Variants in SOX5 observed in about 807,000 individuals in gnomAD.
SOX5 encodes the protein transcription factor SOX-5.
Under a neutral mutation model 92.0 loss-of-function variants are expected in SOX5, and 9 were observed. That is an observed-to-expected ratio of 0.10 (90% CI 0.06 to 0.17). SOX5 has a LOEUF of 0.17. Among genes scored for constraint, SOX5 ranks in the 10% least tolerant of loss-of-function variants. SOX5 has a pLI of 1.00. For synonymous variants in SOX5, 344 were observed against 336.3 expected, an observed-to-expected ratio of 1.02 and a Z score of -0.25; for missense variants, 642 against 944.5, an observed-to-expected ratio of 0.68 and a Z score of 4.20.
chr12:24,271,142 G>A (rs981299850), intron 3 of SOX5, among the ~76,000 whole-genome samples: 1 of 152,176 alleles, frequency 6.6e-6, no homozygotes, highest in African/African-American at 2.4e-5. Flanking sequence ...AGCCCTTGAT[G>A]AGTGTTGCTA....
chr12:23,877,358 C>G (rs2096938723), intron 2 of SOX5, among the ~76,000 whole-genome samples: 1 of 151,842 alleles, frequency 6.6e-6, no homozygotes, highest in Non-Finnish European at 1.5e-5. Context: ...TTGAAAATAC[C>G]TGCATAGTTA....
At chr12:24,110,843 G>A (rs1018365275) in intron 4 of SOX5, among the ~76,000 whole-genome samples, 1 of 141,300 alleles carries the variant, frequency 7.1e-6, no homozygotes, top group Admixed American at 7.4e-5. Context: ...GGAGCTTGCA[G>A]TGAGTTGAGA....
At chr12:24,197,554 A>G (rs1461167961) in intron 4 of SOX5, among the ~76,000 whole-genome samples, 1 of 152,110 alleles carries the variant, frequency 6.6e-6, no homozygotes, top group Non-Finnish European at 1.5e-5. Context: ...TACAGCAATG[A>G]GATGTAAATG....
intron 3 of SOX5, among the ~76,000 whole-genome samples, chr12:24,246,461 A>C (rs1270196603): frequency 6.6e-6 from 1 of 152,122 alleles, no homozygotes; most frequent in Non-Finnish European, 1.5e-5. Context: ...AAACTGTAAG[A>C]GACTAAGAGC....
intron 1 of SOX5, among the ~76,000 whole-genome samples, chr12:24,452,484 G>A (rs1855791896): frequency 1.3e-5 from 2 of 152,150 alleles, no homozygotes; most frequent in Non-Finnish European, 2.9e-5. Flanking sequence ...CTTACCTGGA[G>A]AGGCTAGACT....
At chr12:24,195,849 T>C (rs1278754290) in intron 4 of SOX5, among the ~76,000 whole-genome samples, 1 of 152,166 alleles carries the variant, frequency 6.6e-6, no homozygotes, top group Non-Finnish European at 1.5e-5. Flanking sequence ...TAATTGCTTA[T>C]ATAGTCTCCA....
At chr12:23,916,384 G>T (rs542200020) in intron 1 of SOX5, among the ~76,000 whole-genome samples, 2 of 152,232 alleles carry the variant, frequency 1.3e-5, no homozygotes, top group South Asian at 4.1e-4. Context: ...GTAGATTTCT[G>T]CAGGCTATCA....
At chr12:23,536,777 C>G in intron 13 of SOX5, 108 bp from the exon 14 acceptor site, 1 of 819,886 alleles carries the variant, frequency 1.2e-6, no homozygotes, top group Non-Finnish European at 2.1e-6. Flanking sequence ...AGCCAAAACC[C>G]AGAAATACAT....
At chr12:23,968,392 G>A (rs1266754988) in intron 4 of SOX5, among the ~76,000 whole-genome samples, 5 of 152,208 alleles carry the variant, frequency 3.3e-5, no homozygotes, top group East Asian at 1.9e-4. Context: ...AAGTTCACAT[G>A]TTGGAAACTT....
At chr12:23,838,846 G>GCGGA (rs1555374990) in intron 3 of SOX5, among the ~76,000 whole-genome samples, 1 of 95,736 alleles carries the variant, frequency 1.0e-5, no homozygotes, top group Non-Finnish European at 2.2e-5. Context: ...TTTTTTTTGG[G>GCGGA]GGGGGGGGGC....
chr12:23,880,005 G>C (rs2096969998), intron 2 of SOX5, among the ~76,000 whole-genome samples: 1 of 152,182 alleles, frequency 6.6e-6, no homozygotes, highest in Non-Finnish European at 1.5e-5. Flanking sequence ...CAGGATCATA[G>C]CTGTGACTGC....
rs182509598 is a variant in SOX5 at position 24,405,988 on chromosome 12, G to A, written c.-250-37349C>T. Among the ~76,000 whole-genome samples the A allele has an allele frequency of 9.2e-5, 14 of 152,168 alleles. No homozygotes were observed. In the East Asian group the frequency reaches 2.3e-3, roughly 25 times the overall value. ...AGGCTTCAGAGGAAACCTTTAGTGGGCCTGTATGTACCCCCTGGAGTTTGA... is the reference window on the plus strand; with the variant it reads ...AGGCTTCAGAGGAAACCTTTAGTGGACCTGTATGTACCCCCTGGAGTTTGA... On this transcript the variant is annotated intron_variant, in intron 1 of 4. Transcript: ENST00000446891.
Position 23,710,440 on chromosome 12 carries a change from T to C in SOX5, c.810+24244A>G, listed in dbSNP as rs2091932991. ...GGTGTGTGATGTTCCCCTTCCTGTG[T>C]CCAAGTATTCTTGTTGTTCACTTCC... On this transcript the variant is annotated intron_variant, in intron 6 of 14. Coordinates refer to ENST00000451604, the MANE Select transcript of SOX5 (RefSeq NM_006940.6). 1.3e-5 allele frequency among the ~76,000 whole-genome samples: 2 copies of C among 152,146 alleles called. 1 individual carries two copies. Among genetic ancestry groups the C allele is most frequent in the South Asian group, 4.1e-4 (2 of 4,830 alleles).
intron 1 of SOX5, among the ~76,000 whole-genome samples, chr12:24,370,097 A>G (rs924216423): frequency 5.9e-5 from 9 of 152,218 alleles, no homozygotes; most frequent in Non-Finnish European, 1.2e-4. Flanking sequence ...AAATGAATGA[A>G]TCACACACAA....
chr12:23,909,575 T>C (rs1298407367), intron 1 of SOX5, among the ~76,000 whole-genome samples: 1 of 152,162 alleles, frequency 6.6e-6, no homozygotes, highest in Non-Finnish European at 1.5e-5. Context: ...AATACAGTAT[T>C]TACCATTTAC....
chr12:23,852,042 G>A lies in SOX5; in HGVS notation c.271-5849C>T, dbSNP rs561598742. ...AGAGCCAAGTTAGTTTTTAAGGAAT[G>A]CTTATATTATATATATTCAATATTT... is the stretch of plus-strand genomic sequence containing the variant. On this transcript the variant is annotated intron_variant, in intron 2 of 14. Transcript: ENST00000451604. Among the ~76,000 whole-genome samples the A allele has an allele frequency of 3.3e-5, 5 of 152,104 alleles. No homozygotes were observed. In the East Asian group the frequency reaches 5.8e-4, roughly 18 times the overall value.
intron 3 of SOX5, among the ~76,000 whole-genome samples, chr12:23,783,906 G>A (rs1427501539): frequency 6.6e-6 from 1 of 152,044 alleles, no homozygotes; most frequent in African/African-American, 2.4e-5. Context: ...TAAACAAGTT[G>A]GGCTCTCCTA....
At chr12:23,778,447 G>T (rs1392837369) in intron 3 of SOX5, among the ~76,000 whole-genome samples, 1 of 152,238 alleles carries the variant, frequency 6.6e-6, no homozygotes, top group East Asian at 1.9e-4. Context: ...AAGGAAAAAG[G>T]CATGAGAGAG....
chr12:23,993,466 C>T (rs1044703115), intron 4 of SOX5, among the ~76,000 whole-genome samples: 20 of 152,158 alleles, frequency 1.3e-4, no homozygotes, highest in African/African-American at 4.8e-4. Context: ...CAAGTCAATG[C>T]TGTAAAAGGA....
Sources: allele counts gnomAD v4.1 joint callset (sites outside exome capture counted in the v4.1 genomes callset), GRCh38; gene constraint gnomAD v4.1.1; transcripts MANE v1.5; gene names NCBI Gene and HGNC (gene_info 2026-07-23, HGNC 2026-07-21).